The following ANKRD11 variants were observed in gnomAD, a reference collection of about 807,000 sequenced individuals.
The protein encoded by ANKRD11 is ankyrin repeat domain 11.
Under a neutral mutation model 195.7 loss-of-function variants are expected in ANKRD11, and 17 were observed. That is an observed-to-expected ratio of 0.09 (90% CI 0.06 to 0.13). ANKRD11 has a LOEUF of 0.13. ANKRD11 is among the 10% of genes least tolerant of loss of function. The pLI, the probability that ANKRD11 is intolerant of heterozygous loss-of-function variation, is 1.00. For missense variants in ANKRD11, 3,735 were observed against 3,566.1 expected, an observed-to-expected ratio of 1.05 and a Z score of -1.21; for synonymous variants, 1,953 against 1,528.1, an observed-to-expected ratio of 1.28 and a Z score of -6.49.
At chr16:89,298,653 CTGTGT>C (rs1206716023) in intron 4 of ANKRD11, among the ~76,000 whole-genome samples, 9 of 152,204 alleles carry the variant, frequency 5.9e-5, no homozygotes, top group Non-Finnish European at 8.8e-5. Context: ...CCCAGCTTGT[CTGTGT>C]TGTGTTGACA....
At chr16:89,305,054 T>C (rs1156705995) in intron 4 of ANKRD11, 152 bp downstream of exon 4, 3 of 1,232,774 alleles carry the variant, frequency 2.4e-6, no homozygotes, top group Non-Finnish European at 3.3e-6. Flanking sequence ...GGGCCTGTGC[T>C]CCGCCCCTGC....
chr16:89,469,081 A>G lies in ANKRD11; in HGVS notation c.-145+21164T>C, dbSNP rs567271330. ...CATGGTTAATGGTGAAAAAGTGGAC[A>G]CTTTTCAATTACCATCAGAAATAAG... On this transcript the variant is annotated intron_variant, in intron 1 of 12. Transcript: ENST00000301030. 3.5e-4 allele frequency among the ~76,000 whole-genome samples: 54 copies of G among 152,164 alleles called. 1 individual carries two copies. Among genetic ancestry groups the G allele is most frequent in the African/African-American group, 1.3e-3 (52 of 41,508 alleles).
intron 1 of ANKRD11, among the ~76,000 whole-genome samples, chr16:89,456,717 A>G (rs1478618254): frequency 2.0e-5 from 3 of 152,180 alleles, no homozygotes; most frequent in African/African-American, 4.8e-5. Flanking sequence ...GCCGGACACT[A>G]AAGGCCATAT....
intron 2 of ANKRD11, among the ~76,000 whole-genome samples, chr16:89,354,920 T>A (rs566823312): frequency 2.8e-4 from 42 of 152,206 alleles, no homozygotes; most frequent in African/African-American, 9.9e-4. Context: ...TGGAAGCTCG[T>A]TCTTCTAGCT....
At chr16:89,470,163 C>G (rs1446990039) in intron 1 of ANKRD11, among the ~76,000 whole-genome samples, 1 of 151,958 alleles carries the variant, frequency 6.6e-6, no homozygotes, top group Admixed American at 6.6e-5. Flanking sequence ...GCCCCGGCCT[C>G]CCAAAGCGCT....
intron 2 of ANKRD11, among the ~76,000 whole-genome samples, chr16:89,370,944 C>G (rs1426781992): frequency 6.6e-6 from 1 of 152,154 alleles, no homozygotes; most frequent in Non-Finnish European, 1.5e-5. Context: ...GCCCAAGAAC[C>G]AAGCCCTGCG....
At chr16:89,387,686 G>GAAAAAAA (rs2040980772) in intron 2 of ANKRD11, among the ~76,000 whole-genome samples, 1 of 48,798 alleles carries the variant, frequency 2.0e-5, no homozygotes, top group African/African-American at 7.9e-5. Context: ...AATAAAAAAA[G>GAAAAAAA]AAAAAGAAAA....
chr16:89,280,725 G>T lies in ANKRD11; in HGVS notation c.5817C>A (p.Phe1939Leu). 1.2e-6 allele frequency: 2 copies of T among 1,613,476 alleles called. No individual in the cohort carries two copies. Among genetic ancestry groups the T allele is most frequent in the African/African-American group, 1.3e-5 (1 of 75,050 alleles). ...SYLEPLDEGPFSAVITEEPVE... is the reference protein window; with the variant it reads ...SYLEPLDEGPLSAVITEEPVE... ...CGGGCTCCTCGGTGATGACGGCGCT[G>T]AAGGGACCCTCGTCCAGCGGCTCCA... The change falls in exon 9 of 13, where the codon TTC (phenylalanine) becomes TTA (leucine). Residue 1939 changes from phenylalanine to leucine, a missense_variant. Transcript: ENST00000301030.
At chr16:89,430,567 C>T (rs538127426) in intron 1 of ANKRD11, among the ~76,000 whole-genome samples, 1 of 152,220 alleles carries the variant, frequency 6.6e-6, no homozygotes, top group African/African-American at 2.4e-5. Flanking sequence ...GGATTCTCAA[C>T]TCTCACGCTC....
chr16:89,381,803 C>G (rs2040668658), intron 2 of ANKRD11, among the ~76,000 whole-genome samples: 3 of 152,194 alleles, frequency 2.0e-5, no homozygotes, highest in Non-Finnish European at 4.4e-5. Context: ...AGCACATTGA[C>G]CCCACGCGAA....
At chr16:89,406,120 A>G (rs2041897393) in intron 2 of ANKRD11, among the ~76,000 whole-genome samples, 1 of 151,914 alleles carries the variant, frequency 6.6e-6, no homozygotes, top group Non-Finnish European at 1.5e-5. Context: ...AAAAAAAAAA[A>G]AAAAAAAAAC....
intron 12 of ANKRD11, 90 bp from the exon 13 acceptor site, chr16:89,268,753 C>A: frequency 6.8e-7 from 1 of 1,460,546 alleles, no homozygotes; most frequent in Non-Finnish European, 9.3e-7. Flanking sequence ...GGGCCAAGGG[C>A]GTGATACGGC....
At position 89,281,483 on chromosome 16, in the gene ANKRD11, C is replaced by T. The variant is rs966980049; in HGVS notation, c.5059G>A (p.Glu1687Lys). 6.2e-7 allele frequency: 1 copy of T among 1,614,172 alleles called. No homozygotes were observed. Among genetic ancestry groups the T allele is most frequent in the Non-Finnish European group, 8.5e-7 (1 of 1,180,010 alleles). The change falls in exon 9 of 13, where the codon GAG (glutamate) becomes AAG (lysine). Residue 1687 changes from glutamate (E) to lysine (K), a missense_variant. By Grantham distance (56) the Glu-to-Lys change is moderately conservative. Coordinates refer to ENST00000301030, the MANE Select transcript of ANKRD11 (RefSeq NM_013275.6). The surrounding 1 kb of genome is among the most constrained non-coding windows in gnomAD (Gnocchi z 5.5). The stretch of plus-strand genomic sequence containing the variant: ...GGCCTGGGGGACGCAGGCAGGACCT[C>T]TTTCATGTGAGGGCCTGCCAGCCAG... ...KDWLAGPHMK[E>K]VLPASPRPDQ...
chr16:89,272,394 T>TA (rs1283685530), intron 11 of ANKRD11: 1 of 152,382 alleles, frequency 6.6e-6, no homozygotes, highest in South Asian at 2.1e-4. Flanking sequence ...CACTGCCGGG[T>TA]ATAGACCCAA....
At chr16:89,334,146 A>AT (rs2038213989) in intron 2 of ANKRD11, among the ~76,000 whole-genome samples, 1 of 113,450 alleles carries the variant, frequency 8.8e-6, no homozygotes, top group Non-Finnish European at 1.9e-5. Flanking sequence ...CTGTGTTTTA[A>AT]AAAAAAAAAA....
chr16:89,363,929 T>G (rs138317433), intron 2 of ANKRD11, among the ~76,000 whole-genome samples: 13 of 152,054 alleles, frequency 8.5e-5, no homozygotes, highest in Non-Finnish European at 1.8e-4. Flanking sequence ...TATGATGGCA[T>G]ACATGCCTGC....
chr16:89,404,593 A>ACT (rs1597302333), intron 2 of ANKRD11, among the ~76,000 whole-genome samples: 1 of 152,354 alleles, frequency 6.6e-6, no homozygotes, highest in East Asian at 1.9e-4. Context: ...AGTTACCAGC[A>ACT]CTCTATCAGG....
intron 1 of ANKRD11, among the ~76,000 whole-genome samples, chr16:89,428,089 TC>T (rs2042796596): frequency 6.6e-6 from 1 of 151,084 alleles, no homozygotes. Context: ...GCGCCTGTAA[TC>T]CCAGCTACTC....
chr16:89,428,038 T>A (rs921634047), intron 1 of ANKRD11, among the ~76,000 whole-genome samples: 1 of 150,888 alleles, frequency 6.6e-6, no homozygotes, highest in African/African-American at 2.4e-5. Context: ...TGAAACGCCA[T>A]CTCTAATAAA....
Sources: gnomAD v4.1 joint callset for allele counts (sites outside exome capture counted in the v4.1 genomes callset) on GRCh38, gnomAD v4.1.1 for gene constraint, Gnocchi (gnomAD v3.1) non-coding constraint, MANE v1.5 for transcripts, NCBI Gene and HGNC (gene_info 2026-07-23, HGNC 2026-07-21) for gene names.